B4GALT5: variants seen among roughly 807,000 people sequenced by gnomAD.
B4GALT5 encodes the protein beta-1,4-galactosyltransferase 5.
A neutral mutation model predicts 45.0 loss-of-function variants in B4GALT5; 11 were observed. That is an observed-to-expected ratio of 0.24 (90% CI 0.15 to 0.40). B4GALT5 has a LOEUF of 0.40. B4GALT5 is among the 10% of genes least tolerant of loss of function. The probability of loss-of-function intolerance (pLI) is 1.00; values close to 1 mark genes in which losing one functional copy is unlikely to be tolerated. For missense variants in B4GALT5, 337 were observed against 500.2 expected (o/e 0.67, Z 3.11); for synonymous variants, 185 against 182.9 (o/e 1.01, Z -0.09).
At chr20:49,688,436 A>T (rs1039215782) in intron 1 of B4GALT5, among the ~76,000 whole-genome samples, 1 of 152,210 alleles carries the variant, frequency 6.6e-6, no homozygotes. Flanking sequence ...GAGTAGAGGC[A>T]AACCAAAAAG....
At chr20:49,643,502 T>C in intron 4 of B4GALT5, 24 bp downstream of exon 4, 1 of 1,612,910 alleles carries the variant, frequency 6.2e-7, no homozygotes, top group Non-Finnish European at 8.5e-7. Flanking sequence ...TTCTCAGCAT[T>C]TTGGCTGTGA....
At chr20:49,672,388 G>A (rs1245318933) in intron 1 of B4GALT5, among the ~76,000 whole-genome samples, 1 of 152,144 alleles carries the variant, frequency 6.6e-6, no homozygotes, top group Non-Finnish European at 1.5e-5. Context: ...TAGCTTCTAA[G>A]GCACACACAC....
At position 49,661,138 on chromosome 20, in the gene B4GALT5, C is replaced by T. The variant is rs182432626; in HGVS notation, c.116-4436G>A. ...ATTTTAGATTAGGAAGTCAAGTCCT[C>T]CAGGGGGTAATTTGCCCAAGGTCAT... is the stretch of plus-strand genomic sequence containing the variant. On this transcript the variant is annotated intron_variant, in intron 1 of 8. Transcript: ENST00000371711. Among the ~76,000 whole-genome samples, 208 of 152,264 alleles carry T rather than the reference C, an allele frequency of 1.4e-3. 2 individuals are homozygous for T. Among genetic ancestry groups the T allele is most frequent in the African/African-American group, 4.6e-3 (191 of 41,538 alleles).
chr20:49,652,855 C>T (rs1198811474), intron 2 of B4GALT5, among the ~76,000 whole-genome samples: 1 of 152,176 alleles, frequency 6.6e-6, no homozygotes, highest in African/African-American at 2.4e-5. Flanking sequence ...ATTATTTCAG[C>T]AGAGGATGGT....
At chr20:49,649,573 C>T (rs2085612783) in intron 2 of B4GALT5, among the ~76,000 whole-genome samples, 1 of 151,750 alleles carries the variant, frequency 6.6e-6, no homozygotes. Context: ...GAATGAGATC[C>T]TATCTTAAAA....
intron 1 of B4GALT5, among the ~76,000 whole-genome samples, chr20:49,690,924 T>C (rs2085808005): frequency 2.0e-5 from 3 of 152,318 alleles, no homozygotes; most frequent in African/African-American, 7.2e-5. Flanking sequence ...AATGGAATCC[T>C]TTCTTGGCAA....
chr20:49,665,595 T>C (rs893218865), intron 1 of B4GALT5, among the ~76,000 whole-genome samples: 1 of 151,266 alleles, frequency 6.6e-6, no homozygotes, highest in South Asian at 2.1e-4. Context: ...ATACATTCAT[T>C]CAACACTCAT....
intron 5 of B4GALT5, 21 bp downstream of exon 5, chr20:49,642,447 G>C: frequency 6.5e-7 from 1 of 1,549,274 alleles, no homozygotes; most frequent in Non-Finnish European, 8.9e-7. Context: ...AAAAAAGAAA[G>C]GAAAAGAAAG....
rs921109072 is a variant in B4GALT5, at chr20:49,647,132, C to A, written c.251-54G>T. ...AGACTGGTATGTGTGATCAACCGTG[C>A]AATTATCAGATGCCTACCAAGTAAG... On this transcript the variant is annotated intron_variant, in intron 2 of 8. Transcript: ENST00000371711. 1.3e-5 allele frequency: 14 copies of A among 1,096,972 alleles called. No homozygotes were observed. The Admixed American group carries it at 1.6e-4, about 12-fold the overall frequency. 68.0% of individuals were successfully genotyped at this position (1,096,972 alleles called of 1,614,324 possible).
At chr20:49,647,585 T>C (rs570662169) in intron 2 of B4GALT5, among the ~76,000 whole-genome samples, 4 of 152,344 alleles carry the variant, frequency 2.6e-5, no homozygotes, top group Non-Finnish European at 4.4e-5. Context: ...TCACATATCA[T>C]AGCTGTGGTT....
chr20:49,640,731 C>A, intron 5 of B4GALT5, 66 bp from the exon 6 acceptor site: 1 of 1,460,122 alleles, frequency 6.8e-7, no homozygotes, highest in East Asian at 2.4e-5. Flanking sequence ...CTTTCCTGTG[C>A]CTAAAGACGA....
chr20:49,691,833 A>C (rs1217756258), intron 1 of B4GALT5, among the ~76,000 whole-genome samples: 2 of 152,218 alleles, frequency 1.3e-5, no homozygotes, highest in East Asian at 3.8e-4. Context: ...TTATACACTG[A>C]ATGTATTATT....
At chr20:49,684,555 T>C in intron 1 of B4GALT5, 2 of 515,422 alleles carry the variant, frequency 3.9e-6, no homozygotes, top group Admixed American at 3.9e-5. Flanking sequence ...AGAGCAAGAC[T>C]CCTCAAGAAG....
chr20:49,670,071 T>C, intron 1 of B4GALT5, among the ~76,000 whole-genome samples: 1 of 152,236 alleles, frequency 6.6e-6, no homozygotes, highest in East Asian at 1.9e-4. Context: ...AGTGCTGCTC[T>C]GCCTGTGGAG....
chr20:49,707,158 C>T (rs754779423), intron 1 of B4GALT5, among the ~76,000 whole-genome samples: 11 of 152,134 alleles, frequency 7.2e-5, no homozygotes, highest in Non-Finnish European at 1.3e-4. Flanking sequence ...TTTCTTTCTA[C>T]TAAAGAAAAT....
chr20:49,685,392 T>G (rs1001664238), intron 1 of B4GALT5, among the ~76,000 whole-genome samples: 2 of 152,182 alleles, frequency 1.3e-5, no homozygotes, highest in Non-Finnish European at 1.5e-5. Flanking sequence ...AACACAGTAT[T>G]TCCTAACCAA....
chr20:49,639,908 T>C, intron 6 of B4GALT5, 108 bp from the exon 7 acceptor site: 1 of 1,409,094 alleles, frequency 7.1e-7, no homozygotes, highest in Non-Finnish European at 9.6e-7. Context: ...GCTCCTGACC[T>C]GAACCATATG....
At chr20:49,686,564 C>G (rs959140584) in intron 1 of B4GALT5, among the ~76,000 whole-genome samples, 8 of 151,718 alleles carry the variant, frequency 5.3e-5, no homozygotes, top group Admixed American at 5.3e-4. Flanking sequence ...TTTTTAGGAC[C>G]CTAGAATTTA....
chr20:49,686,686 T>C (rs2085786813), intron 1 of B4GALT5, among the ~76,000 whole-genome samples: 1 of 143,130 alleles, frequency 7.0e-6, no homozygotes, highest in Non-Finnish European at 1.5e-5. Context: ...CAAGGGTTCT[T>C]GCTATGTTGC....
Sources: gnomAD v4.1 joint callset for allele counts (sites outside exome capture counted in the v4.1 genomes callset) on GRCh38, gnomAD v4.1.1 for gene constraint, MANE v1.5 for transcripts, NCBI Gene and HGNC (gene_info 2026-07-23, HGNC 2026-07-21) for gene names.